SNX13: variants seen among roughly 807,000 people sequenced by gnomAD.
SNX13 encodes the protein sorting nexin-13.
Under a neutral mutation model 133.6 loss-of-function variants are expected in SNX13, and 45 were observed. The observed-to-expected ratio is 0.34, with a 90% CI of 0.27 to 0.43. The LOEUF is 0.43. Ranked by LOEUF, SNX13 falls within the 20% of genes least tolerant of loss-of-function variation. The pLI is 1.00. For synonymous variants in SNX13, 414 were observed against 373.9 expected, an observed-to-expected ratio of 1.11 and a Z score of -1.24; for missense variants, 1,032 against 1,145.1, an observed-to-expected ratio of 0.90 and a Z score of 1.43.
chr7:17,830,161 TAAAAAAAA>T (rs367739163), intron 15 of SNX13, 114 bp from the exon 16 acceptor site: 4 of 474,360 alleles, frequency 8.4e-6, no homozygotes, highest in East Asian at 1.6e-4. Flanking sequence ...AACATAATAG[TAAAAAAAA>T]AAAAAAAAAA....
At chr7:17,935,845 A>C (rs1583855590) in intron 1 of SNX13, among the ~76,000 whole-genome samples, 1 of 152,230 alleles carries the variant, frequency 6.6e-6, no homozygotes, top group Admixed American at 6.5e-5. Context: ...CAGTGTCATT[A>C]ATAATTGAAG....
chr7:17,888,412 G>C (rs945903510), intron 5 of SNX13: 1 of 219,530 alleles, frequency 4.6e-6, no homozygotes, highest in Admixed American at 5.7e-5. Context: ...CAAAAACAGG[G>C]AAAGTATTGC....
chr7:17,888,763 G>C (rs1004381829), intron 5 of SNX13: 21 of 470,134 alleles, frequency 4.5e-5, no homozygotes, highest in African/African-American at 3.8e-4. Flanking sequence ...AGTTGAATAA[G>C]ATGAATTTTG....
chr7:17,911,278 GA>G (rs1280740633), intron 1 of SNX13, among the ~76,000 whole-genome samples: 1 of 152,158 alleles, frequency 6.6e-6, no homozygotes, highest in Non-Finnish European at 1.5e-5. Context: ...GAATGTATCT[GA>G]AAAACAAAGT....
chr7:17,843,013 A>G (rs1035061169), intron 12 of SNX13, among the ~76,000 whole-genome samples: 12 of 152,100 alleles, frequency 7.9e-5, no homozygotes, highest in African/African-American at 2.9e-4. Flanking sequence ...GAAGTCAGTT[A>G]TGTAGAAAAG....
chr7:17,914,724 G>A (rs377113729), intron 1 of SNX13, among the ~76,000 whole-genome samples: 1 of 152,104 alleles, frequency 6.6e-6, no homozygotes, highest in Non-Finnish European at 1.5e-5. Flanking sequence ...AGCTTAAGGG[G>A]GTTCTAAACA....
At chr7:17,831,299 T>A (rs935559245) in intron 15 of SNX13, 1 of 943,164 alleles carries the variant, frequency 1.1e-6, no homozygotes, top group Admixed American at 6.2e-5. Flanking sequence ...GTGAGACAAA[T>A]AATGTTGAGA....
intron 15 of SNX13, among the ~76,000 whole-genome samples, chr7:17,833,029 A>C (rs1788696694): frequency 6.6e-6 from 1 of 151,506 alleles, no homozygotes; most frequent in Non-Finnish European, 1.5e-5. Context: ...TTGCCATAAA[A>C]CCTATTCATA....
chr7:17,834,936 A>AT, intron 13 of SNX13, 71 bp from the exon 14 acceptor site: 1 of 869,032 alleles, frequency 1.2e-6, no homozygotes, highest in East Asian at 2.7e-5. Flanking sequence ...TAGTATGATA[A>AT]TAATGGAATC....
intron 1 of SNX13, among the ~76,000 whole-genome samples, chr7:17,918,731 A>AC (rs549412779): frequency 3.3e-5 from 5 of 152,230 alleles, no homozygotes; most frequent in Non-Finnish European, 7.3e-5. Flanking sequence ...TTACCACTGG[A>AC]CCCCACAATC....
chr7:17,875,588 A>T lies in SNX13; in HGVS notation c.563-7T>A. 1 of 1,610,418 alleles carries T rather than the reference A, an allele frequency of 6.2e-7. No individual in the cohort carries two copies. The highest frequency in any genetic ancestry group is 8.5e-7 in the Non-Finnish European group (1 of 1,179,156). ...ACAAGATCTTCTGCTGTACCTAAAGAAAAACAATTCAAGATATATAAAATG... is the reference window on the plus strand; with the variant it reads ...ACAAGATCTTCTGCTGTACCTAAAGTAAAACAATTCAAGATATATAAAATG... On this transcript the variant is annotated splice_region_variant and splice_polypyrimidine_tract_variant and intron_variant, in intron 6 of 25. Coordinates refer to ENST00000428135, the MANE Select transcript of SNX13 (RefSeq NM_015132.5).
At chr7:17,922,541 T>C (rs1800236432) in intron 1 of SNX13, among the ~76,000 whole-genome samples, 1 of 152,236 alleles carries the variant, frequency 6.6e-6, no homozygotes, top group Non-Finnish European at 1.5e-5. Flanking sequence ...TGATTAATCA[T>C]CTAAACCAAT....
chr7:17,798,426 T>C (rs1784283552), intron 24 of SNX13, among the ~76,000 whole-genome samples: 1 of 151,928 alleles, frequency 6.6e-6, no homozygotes, highest in Admixed American at 6.6e-5. Flanking sequence ...TCAATTATCT[T>C]ACAGCCATGG....
intron 8 of SNX13, among the ~76,000 whole-genome samples, chr7:17,872,941 C>G (rs1024231695): frequency 6.6e-6 from 1 of 152,164 alleles, no homozygotes; most frequent in Admixed American, 6.5e-5. Context: ...AAGTCCAAGA[C>G]TACTATTCTC....
At chr7:17,824,417 G>A (rs1787642537) in intron 17 of SNX13, among the ~76,000 whole-genome samples, 1 of 152,092 alleles carries the variant, frequency 6.6e-6, no homozygotes, top group Non-Finnish European at 1.5e-5. Flanking sequence ...AGACTCTGAA[G>A]TCCAGTTGGT....
intron 8 of SNX13, among the ~76,000 whole-genome samples, chr7:17,872,203 G>C (rs1794197839): frequency 6.6e-6 from 1 of 152,120 alleles, no homozygotes; most frequent in Non-Finnish European, 1.5e-5. Context: ...TTAAGATCTT[G>C]AATAATCAAA....
chr7:17,853,076 A>G (rs746481595), intron 9 of SNX13, among the ~76,000 whole-genome samples: 11 of 152,202 alleles, frequency 7.2e-5, no homozygotes, highest in Admixed American at 2.6e-4. Context: ...GCCAGGTAAC[A>G]TAACAGGAAA....
intron 1 of SNX13, among the ~76,000 whole-genome samples, chr7:17,923,028 C>T (rs1562529704): frequency 6.6e-6 from 1 of 152,100 alleles, no homozygotes; most frequent in South Asian, 2.1e-4. Context: ...TTTTAGATAG[C>T]ACATACCACT....
intron 20 of SNX13, among the ~76,000 whole-genome samples, chr7:17,813,330 T>A (rs1380591149): frequency 6.6e-6 from 1 of 152,110 alleles, no homozygotes; most frequent in African/African-American, 2.4e-5. Context: ...CTAGTGACAA[T>A]AAAACTGTTC....
Sources: gnomAD v4.1 joint callset for allele counts (sites outside exome capture counted in the v4.1 genomes callset) on GRCh38, gnomAD v4.1.1 for gene constraint, MANE v1.5 for transcripts, NCBI Gene and HGNC (gene_info 2026-07-23, HGNC 2026-07-21) for gene names.